DENND3: variants seen among roughly 807,000 people sequenced by gnomAD.
The protein encoded by DENND3 is DENN domain-containing protein 3.
Under a neutral mutation model 135.1 loss-of-function variants are expected in DENND3, and 88 were observed. The ratio of observed to expected loss-of-function variants is 0.65; its 90% CI spans 0.55 to 0.78. DENND3 has a LOEUF of 0.78. Ranked by LOEUF, DENND3 falls within the 30% of genes least tolerant of loss-of-function variation. DENND3 has a pLI of 0.00. For synonymous variants in DENND3, 693 were observed against 712.3 expected (o/e 0.97, Z 0.43); for missense variants, 1,392 against 1,688.4 (o/e 0.82, Z 3.08).
chr8:141,155,400 TTTA>T (rs957771149), intron 7 of DENND3, among the ~76,000 whole-genome samples: 4 of 152,010 alleles, frequency 2.6e-5, no homozygotes, highest in Non-Finnish European at 5.9e-5. Context: ...TTTATTTTAT[TTTA>T]TTATTATTAT....
intron 19 of DENND3, among the ~76,000 whole-genome samples, 166 bp from the exon 20 acceptor site, chr8:141,190,118 G>GT (rs1452447536): frequency 6.8e-6 from 1 of 147,134 alleles, no homozygotes; most frequent in Non-Finnish European, 1.5e-5. Context: ...ATGTTTGCAG[G>GT]TTACGTTTGC....
In DENND3 at chr8:141,166,180, C is replaced by T. The variant is rs377122268; in HGVS notation, c.1554-10C>T. 1.3e-4 allele frequency: 204 copies of T among 1,612,588 alleles called. No individual in the cohort carries two copies. In the African/African-American group the frequency reaches 1.6e-3, roughly 13 times the overall value. On this transcript the variant is annotated splice_polypyrimidine_tract_variant and intron_variant, in intron 11 of 22. Transcript: ENST00000519811. This position sits in a 1 kb window ranked among gnomAD's most constrained non-coding sequence, Gnocchi z 4.3. ...TCTATAAACTAACGCGTTGCTTTTT[C>T]GTACCCCAGAATAAATGGAATGCTT...
At chr8:141,181,466 G>T (rs184960240) in intron 17 of DENND3, among the ~76,000 whole-genome samples, 17 of 152,304 alleles carry the variant, frequency 1.1e-4, no homozygotes, top group Non-Finnish European at 2.5e-4. Context: ...AGTCTGTGTG[G>T]CCCTGAGCGG....
intron 2 of DENND3, 71 bp downstream of exon 2, chr8:141,136,862 A>G: frequency 6.9e-7 from 1 of 1,445,260 alleles, no homozygotes; most frequent in Non-Finnish European, 9.1e-7. Context: ...ATTCCCAGAA[A>G]CCCACAGGCA....
chr8:141,164,638 T>C (rs559813810), intron 10 of DENND3, among the ~76,000 whole-genome samples: 4 of 152,262 alleles, frequency 2.6e-5, no homozygotes, highest in East Asian at 1.9e-4. Context: ...TTTCGCCCTA[T>C]GACTGGGCAG....
intron 19 of DENND3, 91 bp downstream of exon 19, chr8:141,189,237 A>G: frequency 1.3e-6 from 2 of 1,559,134 alleles, no homozygotes; most frequent in Non-Finnish European, 1.8e-6. Flanking sequence ...TTGTGCCCAC[A>G]GGGGCCAGGC....
chr8:141,154,351 G>T lies in DENND3; in HGVS notation c.1075-1498G>T, dbSNP rs1819175721. On this transcript the variant is annotated intron_variant, in intron 7 of 22. Transcript: ENST00000519811. This position sits in a 1 kb window ranked among gnomAD's most constrained non-coding sequence, Gnocchi z 4.4. The stretch of plus-strand genomic sequence containing the variant: ...ATCTCAAATATTCCAGGGCTACGCG[G>T]TCTCTTAGCCCAGGCCCCTGCCCAT... Among the ~76,000 whole-genome samples, 2 of 152,160 alleles carry T rather than the reference G, an allele frequency of 1.3e-5. No individual in the cohort carries two copies. Among genetic ancestry groups the T allele is most frequent in the Admixed American group, 6.5e-5 (1 of 15,284 alleles).
At chr8:141,157,487 A>G in intron 8 of DENND3, 1 of 985,664 alleles carries the variant, frequency 1.0e-6, no homozygotes, top group Non-Finnish European at 1.2e-6. Flanking sequence ...GCGGTCGTGG[A>G]GGTGACGCTG....
intron 1 of DENND3, among the ~76,000 whole-genome samples, chr8:141,132,422 A>C (rs1816240367): frequency 6.6e-6 from 1 of 152,042 alleles, no homozygotes; most frequent in South Asian, 2.1e-4. Context: ...CAATGGTGCC[A>C]TCTCGGCTCA....
chr8:141,170,917 T>A (rs1257670236), intron 13 of DENND3, among the ~76,000 whole-genome samples: 3 of 152,230 alleles, frequency 2.0e-5, no homozygotes, highest in African/African-American at 4.8e-5. Flanking sequence ...TCCGTCCATC[T>A]TTTGAGGCAC....
intron 8 of DENND3, chr8:141,158,189 C>T (rs777877471): frequency 7.8e-7 from 1 of 1,289,500 alleles, no homozygotes; most frequent in Non-Finnish European, 1.0e-6. Flanking sequence ...GCTCTCCTCC[C>T]CAGCCAAGGG....
In DENND3 at chr8:141,167,202, C is replaced by T. The variant is rs1461774157; in HGVS notation, c.1754-802C>T. On this transcript the variant is annotated intron_variant, in intron 12 of 22. Transcript: ENST00000519811. This position sits in a 1 kb window ranked among gnomAD's most constrained non-coding sequence, Gnocchi z 4.1. ...ACATTCTGGAGGCCACTGTGGGGTC[C>T]GAGCCTTCTGCCCCTGGCTGTGTGA... Among the ~76,000 whole-genome samples the T allele has an allele frequency of 1.3e-5, 2 of 152,172 alleles. No individual in the cohort carries two copies. The highest frequency in any genetic ancestry group is 2.1e-4 in the South Asian group (1 of 4,830).
At chr8:141,160,142 A>C (rs1339680915) in intron 8 of DENND3, among the ~76,000 whole-genome samples, 4 of 148,886 alleles carry the variant, frequency 2.7e-5, no homozygotes, top group African/African-American at 9.9e-5. Flanking sequence ...CCATGTGTGG[A>C]GGTGAATCCA....
chr8:141,176,839 T>C (rs1822435281), intron 15 of DENND3, 78 bp downstream of exon 15: 1 of 1,538,606 alleles, frequency 6.5e-7, no homozygotes, highest in South Asian at 1.2e-5. Flanking sequence ...CCTGTGGCAG[T>C]CCTCAGCTGT....
chr8:141,159,275 G>A (rs1819832498), intron 8 of DENND3, among the ~76,000 whole-genome samples: 1 of 152,210 alleles, frequency 6.6e-6, no homozygotes, highest in Non-Finnish European at 1.5e-5. Context: ...GGAGGGTCAG[G>A]CAGCGGCAGG....
rs937554538 is a variant in DENND3 at position 141,180,816 on chromosome 8, C to T, written c.2906C>T (p.Ala969Val). ...AAAATCAACCCCTCGGCGGGGGAGG[C>T]GTTCCCACAAGCGGTGGACGTGCTG... The part of the protein sequence containing the change: ...KHKINPSAGE[A>V]FPQAVDVLLY... The change falls in exon 17 of 23, where the codon GCG (alanine) becomes GTG (valine). Residue 969 changes from alanine to valine, a missense_variant. Transcript: ENST00000519811. The T allele has an allele frequency of 6.2e-6, 10 of 1,612,766 alleles. No individual in the cohort carries two copies. The highest frequency in any genetic ancestry group is 3.3e-5 in the South Asian group (3 of 90,770).
rs1816845186 is a variant in DENND3, at chr8:141,136,799, T to C, written c.385+8T>C. The C allele has an allele frequency of 1.3e-6, 2 of 1,555,186 alleles. No individual in the cohort carries two copies. The highest frequency in any genetic ancestry group is 1.7e-6 in the Non-Finnish European group (2 of 1,151,860). On this transcript the variant is annotated splice_region_variant and intron_variant, in intron 2 of 22. Coordinates refer to ENST00000519811, the MANE Select transcript of DENND3 (RefSeq NM_001352890.3). The stretch of plus-strand genomic sequence containing the variant: ...CGCAGCTGTGCTTCCCAGGTATGTC[T>C]AGGAGGTGGGCACCACTGGGCGCCT...
chr8:141,141,340 G>T lies in DENND3; in HGVS notation c.623+16G>T. On this transcript the variant is annotated intron_variant, in intron 4 of 22. Transcript: ENST00000519811. This position sits in a 1 kb window ranked among gnomAD's most constrained non-coding sequence, Gnocchi z 5.3. ...GCCTTTCCTGGTGAGCTGGGGCACC[G>T]GGGGCCAGGGGTGGTAGGGGGCAGC... The T allele has an allele frequency of 1.2e-6, 2 of 1,611,570 alleles. No individual in the cohort carries two copies. The highest frequency in any genetic ancestry group is 2.2e-5 in the South Asian group (2 of 90,970).
Position 141,182,685 on chromosome 8 carries a change from GTAGCCGA to G in DENND3, c.2944+1832_2944+1838del. The stretch of plus-strand genomic sequence containing the variant: ...TCTGGAAGGGGTGGCCGAGAAGCTG[GTAGCCGA>G]GCAGGGCTTTTGCAAGCCTTGTGAG... On this transcript the variant is annotated intron_variant, in intron 17 of 22. Coordinates refer to ENST00000519811, the MANE Select transcript of DENND3 (RefSeq NM_001352890.3). This position sits in a 1 kb window ranked among gnomAD's most constrained non-coding sequence, Gnocchi z 5.9. 6.6e-6 allele frequency among the ~76,000 whole-genome samples: 1 copy of G among 152,380 alleles called. No individual in the cohort carries two copies. Among genetic ancestry groups the G allele is most frequent in the East Asian group, 1.9e-4 (1 of 5,192 alleles).
Sources: gnomAD v4.1 joint callset for allele counts (sites outside exome capture counted in the v4.1 genomes callset) on GRCh38, gnomAD v4.1.1 for gene constraint, Gnocchi (gnomAD v3.1) non-coding constraint, MANE v1.5 for transcripts, NCBI Gene and HGNC (gene_info 2026-07-23, HGNC 2026-07-21) for gene names.